Variants in FYN observed in about 807,000 individuals in gnomAD.
The protein encoded by FYN is FYN proto-oncogene, Src family tyrosine kinase, also known as tyrosine-protein kinase Fyn.
In FYN, 10 loss-of-function variants were observed where a neutral mutation model predicts 70.2. That is an observed-to-expected ratio of 0.14 (90% CI 0.09 to 0.24). The LOEUF (loss-of-function observed/expected upper bound fraction) is 0.24, where lower values mean the gene tolerates loss of function less well. FYN is among the 10% of genes least tolerant of loss of function. FYN has a pLI of 1.00. For missense variants in FYN, 319 were observed against 673.1 expected (o/e 0.47, Z 5.82); for synonymous variants, 236 against 248.6 (o/e 0.95, Z 0.48).
intron 3 of FYN, among the ~76,000 whole-genome samples, chr6:111,732,144 G>T (rs2128471795): frequency 6.6e-6 from 1 of 152,292 alleles, no homozygotes; most frequent in African/African-American, 2.4e-5. Context: ...AACCCAGTCA[G>T]ATTTTTCTTA....
chr6:111,682,579 G>C (rs976980778), intron 12 of FYN, among the ~76,000 whole-genome samples: 1 of 152,232 alleles, frequency 6.6e-6, no homozygotes, highest in Non-Finnish European at 1.5e-5. Flanking sequence ...ACCTCCTGCA[G>C]TAAGAGTACA....
chr6:111,799,915 T>A (rs1458072753), intron 2 of FYN, among the ~76,000 whole-genome samples: 2 of 152,234 alleles, frequency 1.3e-5, no homozygotes. Context: ...CAGCACTGGT[T>A]AAATATGGAC....
intron 3 of FYN, among the ~76,000 whole-genome samples, chr6:111,757,947 AT>A (rs576185468): frequency 3.7e-4 from 56 of 152,292 alleles, no homozygotes; most frequent in African/African-American, 1.0e-3. Context: ...GGGTTGACTT[AT>A]TACCATTTTT....
chr6:111,728,074 G>A (rs774519580), intron 3 of FYN, among the ~76,000 whole-genome samples: 7 of 152,188 alleles, frequency 4.6e-5, no homozygotes, highest in Non-Finnish European at 7.3e-5. Context: ...ATGGCCAAAT[G>A]AGGCTTTAAC....
At position 111,660,349 on chromosome 6, in the gene FYN, C is replaced by G. The variant is rs1797693893; in HGVS notation, c.*1390G>C. On this transcript the variant is annotated 3_prime_UTR_variant, in exon 14 of 14. Coordinates refer to ENST00000354650, the MANE Select transcript of FYN (RefSeq NM_002037.5). ...AAAAAAAATTCAAATGTAAAATGCTCTCTTTTTAATTACTAAATTAAGAAA... is the reference window on the plus strand; with the variant it reads ...AAAAAAAATTCAAATGTAAAATGCTGTCTTTTTAATTACTAAATTAAGAAA... 6.6e-6 allele frequency: 1 copy of G among 152,078 alleles called. No homozygotes were observed. Among genetic ancestry groups the G allele is most frequent in the Non-Finnish European group, 1.5e-5 (1 of 68,004 alleles). The allele number at this position is 152,078 out of a possible 1,614,324, so 9.4% of individuals were successfully genotyped here.
At chr6:111,829,316 C>T (rs1772938962) in intron 2 of FYN, among the ~76,000 whole-genome samples, 1 of 152,172 alleles carries the variant, frequency 6.6e-6, no homozygotes, top group Non-Finnish European at 1.5e-5. Flanking sequence ...TCTGATTTCT[C>T]ACCTGATGTG....
chr6:111,815,784 T>C (rs931237600), intron 2 of FYN, among the ~76,000 whole-genome samples: 3 of 151,738 alleles, frequency 2.0e-5, no homozygotes, highest in African/African-American at 7.3e-5. Flanking sequence ...AGTGGTGTGA[T>C]CATCGCTCAT....
At chr6:111,715,542 C>T (rs1011548422) in intron 4 of FYN, among the ~76,000 whole-genome samples, 2 of 152,128 alleles carry the variant, frequency 1.3e-5, no homozygotes, top group African/African-American at 4.8e-5. Context: ...ATGGTGACTT[C>T]CGTCTTTCTA....
chr6:111,744,289 A>G (rs554000012), intron 3 of FYN, among the ~76,000 whole-genome samples: 2 of 152,378 alleles, frequency 1.3e-5, no homozygotes, highest in East Asian at 3.9e-4. Context: ...CAGAGATTTC[A>G]GAAAAGGCAT....
At chr6:111,810,860 A>G (rs1266765817) in intron 2 of FYN, among the ~76,000 whole-genome samples, 1 of 152,160 alleles carries the variant, frequency 6.6e-6, no homozygotes. Flanking sequence ...GCTAAATCCC[A>G]TATGTCAGCA....
intron 2 of FYN, among the ~76,000 whole-genome samples, chr6:111,817,634 CTG>C (rs1006756486): frequency 6.6e-6 from 1 of 152,158 alleles, no homozygotes; most frequent in African/African-American, 2.4e-5. Context: ...CTCCTGGACT[CTG>C]TGTGCATCCA....
chr6:111,712,105 C>T (rs1427690349), intron 5 of FYN, among the ~76,000 whole-genome samples: 2 of 152,162 alleles, frequency 1.3e-5, no homozygotes, highest in Non-Finnish European at 2.9e-5. Context: ...CACTGCAGAT[C>T]GTTTCCAGAT....
Position 111,661,991 on chromosome 6 carries a change from G to A in FYN, c.1406-44C>T. 6.7e-7 allele frequency: 1 copy of A among 1,496,912 alleles called. No individual in the cohort carries two copies. Among genetic ancestry groups the A allele is most frequent in the South Asian group, 1.3e-5 (1 of 79,086 alleles). The allele number at this position is 1,496,912 out of a possible 1,614,324, so 92.7% of individuals were successfully genotyped here. A position where few individuals can be genotyped will look rare whatever the true frequency, so the allele number is the denominator to read the frequency against. ...TGAGAGTGGGCACCCCGGGGATCCA[G>A]GCCCTGACCGCCGCACTTGCAGATC... On this transcript the variant is annotated intron_variant, in intron 13 of 13. Coordinates refer to ENST00000354650, the MANE Select transcript of FYN (RefSeq NM_002037.5). This position sits in a 1 kb window ranked among gnomAD's most constrained non-coding sequence, Gnocchi z 4.0.
intron 3 of FYN, among the ~76,000 whole-genome samples, chr6:111,764,331 T>A (rs1028092374): frequency 6.6e-6 from 1 of 151,198 alleles, no homozygotes; most frequent in African/African-American, 2.4e-5. Flanking sequence ...GATACTGGGG[T>A]TACTGGTGCA....
intron 2 of FYN, among the ~76,000 whole-genome samples, chr6:111,839,824 G>A (rs1397182749): frequency 6.6e-6 from 1 of 152,152 alleles, no homozygotes; most frequent in Non-Finnish European, 1.5e-5. Flanking sequence ...TTGGGGGTCT[G>A]CAGGAACAAA....
chr6:111,866,637 C>T (rs771729497), intron 1 of FYN, among the ~76,000 whole-genome samples: 4 of 152,358 alleles, frequency 2.6e-5, no homozygotes, highest in South Asian at 4.1e-4. Context: ...CCCCCGTGCC[C>T]GGCCCCAACC....
intron 2 of FYN, among the ~76,000 whole-genome samples, chr6:111,811,852 G>A (rs1414026541): frequency 2.0e-5 from 3 of 151,786 alleles, no homozygotes; most frequent in Non-Finnish European, 1.5e-5. Flanking sequence ...GCACTGCAGC[G>A]CCTATTGTGG....
chr6:111,700,053 G>C (rs556961010), intron 9 of FYN, 51 bp downstream of exon 9: 48 of 1,550,648 alleles, frequency 3.1e-5, no homozygotes, highest in Non-Finnish European at 4.2e-5. Context: ...TTGGTGTTTG[G>C]GATCTTCCAA....
intron 2 of FYN, among the ~76,000 whole-genome samples, chr6:111,815,807 C>G (rs1041178066): frequency 6.6e-6 from 1 of 151,692 alleles, no homozygotes; most frequent in Non-Finnish European, 1.5e-5. Context: ...CAGCCTCAAC[C>G]TGGGTTTCAA....
Sources: gnomAD v4.1 joint callset for allele counts (sites outside exome capture counted in the v4.1 genomes callset) on GRCh38, gnomAD v4.1.1 for gene constraint, Gnocchi (gnomAD v3.1) non-coding constraint, MANE v1.5 for transcripts, NCBI Gene and HGNC (gene_info 2026-07-23, HGNC 2026-07-21) for gene names.